Variants in FAM13A observed in about 807,000 individuals in gnomAD.
FAM13A encodes the protein protein FAM13A.
A neutral mutation model predicts 129.6 loss-of-function variants in FAM13A; 76 were observed. The ratio of observed to expected loss-of-function variants is 0.59; its 90% CI spans 0.49 to 0.71. The LOEUF is 0.71. FAM13A is among the 30% of genes least tolerant of loss of function. FAM13A has a pLI of 0.00. For missense variants in FAM13A, 1,108 were observed against 1,249.3 expected (o/e 0.89, Z 1.70); for synonymous variants, 443 against 449.9 (o/e 0.98, Z 0.20).
chr4:88,921,975 G>C (rs1186417594), intron 5 of FAM13A, among the ~76,000 whole-genome samples: 1 of 151,898 alleles, frequency 6.6e-6, no homozygotes, highest in Non-Finnish European at 1.5e-5. Flanking sequence ...TAATGGTAAA[G>C]GGATCAATTC....
intron 4 of FAM13A, among the ~76,000 whole-genome samples, chr4:88,954,953 C>A (rs1248475955): frequency 1.3e-5 from 2 of 151,940 alleles, no homozygotes; most frequent in African/African-American, 2.4e-5. Context: ...GTTATTCCCA[C>A]CACCAGCATT....
intron 6 of FAM13A, among the ~76,000 whole-genome samples, chr4:88,905,914 T>G (rs995072010): frequency 6.6e-6 from 1 of 152,058 alleles, no homozygotes; most frequent in African/African-American, 2.4e-5. Context: ...CATGCCTACT[T>G]CCCTGAAAAA....
chr4:88,777,814 C>T (rs1440859871), intron 11 of FAM13A, among the ~76,000 whole-genome samples: 2 of 152,184 alleles, frequency 1.3e-5, no homozygotes, highest in East Asian at 3.9e-4. Flanking sequence ...ATCTTTCTAC[C>T]AACCCTATTC....
intron 6 of FAM13A, among the ~76,000 whole-genome samples, chr4:88,863,279 C>T (rs1418697831): frequency 9.9e-5 from 15 of 152,116 alleles, no homozygotes; most frequent in Admixed American, 9.8e-4. Flanking sequence ...CCTAATGGAA[C>T]CTCCATAAAA....
rs1736511616 is a variant in FAM13A at position 88,726,564 on chromosome 4, A to C, written c.*1969T>G. ...TAGTCTTAAACAAATGTGCTTTAAA[A>C]GCTAACTGGTAATGATCTGATTAAT... is the stretch of plus-strand genomic sequence containing the variant. On this transcript the variant is annotated 3_prime_UTR_variant, in exon 24 of 24. Coordinates refer to ENST00000264344, the MANE Select transcript of FAM13A (RefSeq NM_014883.4). 1 of 152,668 alleles carries C rather than the reference A, an allele frequency of 6.6e-6. No homozygotes were observed. The highest frequency in any genetic ancestry group is 2.4e-5 in the African/African-American group (1 of 41,468). The allele number at this position is 152,668 out of a possible 1,614,324, so 9.5% of individuals were successfully genotyped here.
chr4:88,941,792 T>C (rs928460630), intron 4 of FAM13A, among the ~76,000 whole-genome samples: 2 of 152,196 alleles, frequency 1.3e-5, no homozygotes, highest in African/African-American at 4.8e-5. Flanking sequence ...CTTTGGCTTT[T>C]GGGGTACCAA....
At chr4:89,006,565 C>T (rs576782670) in intron 3 of FAM13A, among the ~76,000 whole-genome samples, 10 of 152,274 alleles carry the variant, frequency 6.6e-5, no homozygotes, top group South Asian at 6.2e-4. Flanking sequence ...CCCAAGGTAG[C>T]GTCTAGGGGT....
intron 8 of FAM13A, among the ~76,000 whole-genome samples, chr4:88,802,218 G>A (rs911372848): frequency 1.3e-5 from 2 of 151,824 alleles, no homozygotes; most frequent in South Asian, 4.2e-4. Context: ...TAAGGGTTTG[G>A]CATAACCTAT....
intron 3 of FAM13A, among the ~76,000 whole-genome samples, chr4:89,014,362 T>C (rs1766172771): frequency 6.6e-6 from 1 of 152,182 alleles, no homozygotes; most frequent in Non-Finnish European, 1.5e-5. Context: ...ACTGGGGAAA[T>C]AATTCTTATT....
At chr4:88,839,733 C>T (rs1017270963) in intron 7 of FAM13A, among the ~76,000 whole-genome samples, 1 of 152,100 alleles carries the variant, frequency 6.6e-6, no homozygotes, top group Non-Finnish European at 1.5e-5. Context: ...AAGAAAAGTG[C>T]AGTCTCACAG....
intron 7 of FAM13A, among the ~76,000 whole-genome samples, chr4:88,828,202 A>G (rs1458833721): frequency 6.6e-6 from 1 of 152,158 alleles, no homozygotes; most frequent in Non-Finnish European, 1.5e-5. Flanking sequence ...AATGGCAGGC[A>G]CCATCACAAC....
intron 4 of FAM13A, among the ~76,000 whole-genome samples, chr4:88,968,750 T>C (rs1301207813): frequency 6.6e-6 from 1 of 152,108 alleles, no homozygotes; most frequent in Middle Eastern, 3.2e-3. Context: ...TTAAACAAAA[T>C]AGACAGAAGA....
At chr4:88,914,256 C>T (rs1332395075) in intron 5 of FAM13A, among the ~76,000 whole-genome samples, 1 of 152,206 alleles carries the variant, frequency 6.6e-6, no homozygotes, top group Non-Finnish European at 1.5e-5. Flanking sequence ...AACATCTTGC[C>T]TTCTACAAGC....
At chr4:88,739,467 A>G (rs1489857234) in intron 19 of FAM13A, among the ~76,000 whole-genome samples, 2 of 151,800 alleles carry the variant, frequency 1.3e-5, no homozygotes, top group African/African-American at 2.4e-5. Flanking sequence ...GTGAAAGCAT[A>G]TATCTGCTAT....
chr4:88,985,912 G>GATA lies in FAM13A; in HGVS notation c.605+5060_605+5061insTAT, dbSNP rs757432027. Among the ~76,000 whole-genome samples the GATA allele has an allele frequency of 8.8e-3, 1,310 of 149,620 alleles. 12 individuals are homozygous for GATA. Among genetic ancestry groups the GATA allele is most frequent in the Non-Finnish European group, 0.014 (964 of 67,576 alleles). On this transcript the variant is annotated intron_variant, in intron 4 of 23. Coordinates refer to ENST00000264344, the MANE Select transcript of FAM13A (RefSeq NM_014883.4). ...CAGATAAAAAGCAAAGTGAAGAACA[G>GATA]TGTAAGGAACACATAGAAATAAGAA...
intron 16 of FAM13A, 130 bp downstream of exon 16, chr4:88,749,641 T>C (rs1742129878): frequency 2.3e-6 from 2 of 861,634 alleles, no homozygotes; most frequent in South Asian, 3.4e-5. Context: ...CTATCCAGGG[T>C]TTACTGCCTT....
rs1329137331 is a variant in FAM13A at position 88,890,307 on chromosome 4, G to T, written c.843+16072C>A. ...CAAGAGGAGATGATTCAGGTCCAGGGCAGGTCAGGTATCTAAACCCAGTCT... is the reference window on the plus strand; with the variant it reads ...CAAGAGGAGATGATTCAGGTCCAGGTCAGGTCAGGTATCTAAACCCAGTCT... On this transcript the variant is annotated intron_variant, in intron 6 of 23. Transcript: ENST00000264344. Among the ~76,000 whole-genome samples the T allele has an allele frequency of 2.0e-5, 3 of 152,176 alleles. No individual in the cohort carries two copies. In the East Asian group the frequency reaches 5.8e-4, roughly 29 times the overall value.
At chr4:88,748,184 G>A (rs148192248) in intron 17 of FAM13A, among the ~76,000 whole-genome samples, 5 of 152,254 alleles carry the variant, frequency 3.3e-5, no homozygotes, top group East Asian at 1.9e-4. Context: ...GAGCCACTGC[G>A]CCCGGCCTGA....
intron 14 of FAM13A, chr4:88,753,567 C>T (rs1241859505): frequency 2.7e-6 from 1 of 368,666 alleles, no homozygotes; most frequent in Non-Finnish European, 3.8e-6. Context: ...AAAAAGTATG[C>T]ATGTAGAACG....
Sources: gnomAD v4.1 joint callset for allele counts (sites outside exome capture counted in the v4.1 genomes callset) on GRCh38, gnomAD v4.1.1 for gene constraint, MANE v1.5 for transcripts, NCBI Gene and HGNC (gene_info 2026-07-23, HGNC 2026-07-21) for gene names.